Variants in PCDHGB1 observed in about 807,000 individuals in gnomAD.
PCDHGB1 encodes the protein protocadherin gamma-B1.
Under a neutral mutation model 56.6 loss-of-function variants are expected in PCDHGB1, and 34 were observed. The observed-to-expected ratio is 0.60, with a 90% CI of 0.46 to 0.80. The LOEUF is 0.80. Among genes scored for constraint, PCDHGB1 ranks in the 30% least tolerant of loss-of-function variants. The pLI, the probability that PCDHGB1 is intolerant of heterozygous loss-of-function variation, is 0.00. For synonymous variants in PCDHGB1, 561 were observed against 505.9 expected (o/e 1.11, Z -1.46); for missense variants, 1,278 against 1,204.6 (o/e 1.06, Z -0.90).
intron 1 of PCDHGB1, among the ~76,000 whole-genome samples, chr5:141,463,438 CTTTTT>C (rs71576115): frequency 7.7e-5 from 8 of 103,256 alleles, no homozygotes; most frequent in African/African-American, 2.7e-4. Flanking sequence ...TTTCCTTCTC[CTTTTT>C]TTTTTTTTTT....
chr5:141,397,177 A>G (rs1453004001), intron 1 of PCDHGB1, among the ~76,000 whole-genome samples: 1 of 152,250 alleles, frequency 6.6e-6, no homozygotes, highest in Non-Finnish European at 1.5e-5. Flanking sequence ...CTTAAGAATG[A>G]ATTTATGTAC....
At chr5:141,427,191 G>A (rs749528616) in intron 1 of PCDHGB1, 1 of 456,716 alleles carries the variant, frequency 2.2e-6, no homozygotes, top group South Asian at 1.5e-5. Flanking sequence ...TAAATCCAAA[G>A]ACTTAATAGA....
At chr5:141,356,225 A>T (rs1760157547) in intron 1 of PCDHGB1, 6 of 1,596,084 alleles carry the variant, frequency 3.8e-6, no homozygotes, top group Non-Finnish European at 5.1e-6. Flanking sequence ...GATGAAAATG[A>T]CAACGCACCA....
At chr5:141,372,380 A>G in intron 1 of PCDHGB1, 1 of 1,613,964 alleles carries the variant, frequency 6.2e-7, no homozygotes, top group Non-Finnish European at 8.5e-7. Context: ...TGCTGCACCT[A>G]ATCTTCGCAG....
chr5:141,390,295 A>G (rs1371103397), intron 1 of PCDHGB1: 2 of 1,613,930 alleles, frequency 1.2e-6, no homozygotes, highest in South Asian at 2.2e-5. Flanking sequence ...AGTTTCCTTT[A>G]AGTATAATTT....
At chr5:141,366,995 A>T in intron 1 of PCDHGB1, 2 of 462,060 alleles carry the variant, frequency 4.3e-6, no homozygotes, top group Non-Finnish European at 3.7e-6. Context: ...GGTTAAATAT[A>T]ATCATTTTAC....
Position 141,485,666 on chromosome 5 carries a change from A to C in PCDHGB1, c.2410-9141A>C. 1.2e-6 allele frequency: 2 copies of C among 1,612,786 alleles called. No homozygotes were observed. Among genetic ancestry groups the C allele is most frequent in the Non-Finnish European group, 1.7e-6 (2 of 1,178,960 alleles). ...GGCTCAGGATGCAGATGTGGGGAGCAATTCGATTAGCAGCTATAGGCTGAG... is the reference window on the plus strand; with the variant it reads ...GGCTCAGGATGCAGATGTGGGGAGCCATTCGATTAGCAGCTATAGGCTGAG... On this transcript the variant is annotated intron_variant, in intron 1 of 3. Transcript: ENST00000523390. This position sits in a 1 kb window ranked among gnomAD's most constrained non-coding sequence, Gnocchi z 5.7.
intron 1 of PCDHGB1, chr5:141,382,648 G>A (rs1561591657): frequency 2.5e-6 from 1 of 403,370 alleles, no homozygotes; most frequent in Non-Finnish European, 4.4e-6. Flanking sequence ...CAGTAACTTA[G>A]TAAGGACTCA....
chr5:141,439,632 T>C (rs1335553818), intron 1 of PCDHGB1, among the ~76,000 whole-genome samples: 1 of 152,182 alleles, frequency 6.6e-6, no homozygotes, highest in Non-Finnish European at 1.5e-5. Context: ...TCCCCAGACA[T>C]TCCGGCTTGG....
At chr5:141,408,667 C>G in intron 1 of PCDHGB1, 1 of 1,613,954 alleles carries the variant, frequency 6.2e-7, no homozygotes, top group Non-Finnish European at 8.5e-7. Context: ...TATCGCTTGA[C>G]CCTGCCACGG....
chr5:141,507,849 C>CA (rs2099864208), intron 3 of PCDHGB1, among the ~76,000 whole-genome samples: 1 of 152,222 alleles, frequency 6.6e-6, no homozygotes, highest in African/African-American at 2.4e-5. Flanking sequence ...GCCCTGCTCT[C>CA]ACTTTCACAC....
At chr5:141,445,420 T>C (rs968387442) in intron 1 of PCDHGB1, among the ~76,000 whole-genome samples, 3 of 152,204 alleles carry the variant, frequency 2.0e-5, no homozygotes, top group Admixed American at 6.5e-5. Context: ...GTCTGCTATA[T>C]GCAAGGCACT....
At chr5:141,384,163 C>T in intron 1 of PCDHGB1, 1 of 1,613,658 alleles carries the variant, frequency 6.2e-7, no homozygotes, top group Non-Finnish European at 8.5e-7. Context: ...TAACATCACA[C>T]TGAAAGCCAC....
intron 1 of PCDHGB1, chr5:141,430,836 C>T: frequency 6.4e-7 from 1 of 1,558,936 alleles, no homozygotes; most frequent in South Asian, 1.2e-5. Context: ...CTGTGGGAGA[C>T]CGGATGCACC....
intron 1 of PCDHGB1, chr5:141,400,388 A>C: frequency 1.9e-6 from 3 of 1,614,066 alleles, no homozygotes; most frequent in Non-Finnish European, 2.5e-6. Context: ...TGTGTTGCAC[A>C]TACAGGAAAG....
chr5:141,428,594 G>A (rs1317075888), intron 1 of PCDHGB1: 4 of 227,916 alleles, frequency 1.8e-5, no homozygotes, highest in African/African-American at 9.1e-5. Context: ...CTGGTAGCAA[G>A]CTTCACTGAA....
At chr5:141,370,950 C>A in intron 1 of PCDHGB1, 1 of 1,614,002 alleles carries the variant, frequency 6.2e-7, no homozygotes, top group South Asian at 1.1e-5. Context: ...GAAGGAGAAC[C>A]TGGATGGCAG....
rs531855306 is a variant in PCDHGB1 at position 141,422,110 on chromosome 5, T to C, written c.2409+69441T>C. 230 of 1,606,626 alleles carry C rather than the reference T, an allele frequency of 1.4e-4. 6 individuals carry two copies. The South Asian group carries it at 2.5e-3, about 17-fold the overall frequency. On this transcript the variant is annotated intron_variant, in intron 1 of 3. Coordinates refer to ENST00000523390, the MANE Select transcript of PCDHGB1 (RefSeq NM_018922.3). The stretch of plus-strand genomic sequence containing the variant: ...AAGCAAGGCTTCTGAAATATTCCAA[T>C]TGGATTCACAAACTGGAGAAGTTCA...
rs1243958567 is a variant in PCDHGB1, at chr5:141,418,557, T to C, written c.2409+65888T>C. 4.3e-6 allele frequency: 7 copies of C among 1,613,860 alleles called. No homozygotes were observed. The East Asian group carries it at 1.6e-4, about 36-fold the overall frequency. On this transcript the variant is annotated intron_variant, in intron 1 of 3. Coordinates refer to ENST00000523390, the MANE Select transcript of PCDHGB1 (RefSeq NM_018922.3). ...ACTGCTCAGATAAGAATCCTGGTAA[T>C]AGATGCCAATGACAACCCCCCAGTG... is the stretch of plus-strand genomic sequence containing the variant.
Sources: gnomAD v4.1 joint callset for allele counts (sites outside exome capture counted in the v4.1 genomes callset) on GRCh38, gnomAD v4.1.1 for gene constraint, Gnocchi (gnomAD v3.1) non-coding constraint, MANE v1.5 for transcripts, NCBI Gene and HGNC (gene_info 2026-07-23, HGNC 2026-07-21) for gene names.